Variants in ME3 observed in about 807,000 individuals in gnomAD.
ME3 encodes the protein malic enzyme 3, also known as NADP-dependent malic enzyme, mitochondrial.
ME3 carries 48 observed loss-of-function variants against 68.9 expected under a neutral mutation model. The ratio of observed to expected loss-of-function variants is 0.70; its 90% CI spans 0.55 to 0.89. ME3 has a LOEUF of 0.89. ME3 is among the 40% of genes least tolerant of loss of function. The pLI, the probability that ME3 is intolerant of heterozygous loss-of-function variation, is 0.00. For synonymous variants in ME3, 320 were observed against 318.8 expected (o/e 1.00, Z -0.04); for missense variants, 675 against 797.4 (o/e 0.85, Z 1.85).
intron 2 of ME3, among the ~76,000 whole-genome samples, chr11:86,583,434 T>C (rs1183391804): frequency 2.0e-5 from 3 of 152,222 alleles, no homozygotes; most frequent in African/African-American, 7.2e-5. Context: ...TGCTATTCAT[T>C]CCTCAAAAAT....
intron 3 of ME3, among the ~76,000 whole-genome samples, chr11:86,559,456 G>A (rs575501385): frequency 2.1e-4 from 32 of 152,134 alleles, no homozygotes; most frequent in Non-Finnish European, 3.1e-4. Flanking sequence ...CCACTAGTTG[G>A]AATGCAGTTT....
chr11:86,661,697 G>A (rs1946288209), intron 2 of ME3, among the ~76,000 whole-genome samples: 1 of 152,080 alleles, frequency 6.6e-6, no homozygotes, highest in Non-Finnish European at 1.5e-5. Flanking sequence ...AAGTGTTTCT[G>A]CACCTCTCTT....
intron 11 of ME3, 102 bp from the exon 12 acceptor site, chr11:86,447,309 C>A: frequency 6.9e-7 from 1 of 1,456,206 alleles, no homozygotes; most frequent in Non-Finnish European, 9.3e-7. Context: ...ATGAAAGACT[C>A]GGTCTTGGGC....
intron 2 of ME3, among the ~76,000 whole-genome samples, chr11:86,583,722 GATAA>G (rs765312070): frequency 7.9e-5 from 12 of 152,216 alleles, no homozygotes; most frequent in South Asian, 2.1e-4. Flanking sequence ...AGATATGACA[GATAA>G]ATAAAGAGTT....
At chr11:86,549,000 G>A (rs1274194939) in intron 4 of ME3, among the ~76,000 whole-genome samples, 1 of 152,194 alleles carries the variant, frequency 6.6e-6, no homozygotes, top group East Asian at 1.9e-4. Flanking sequence ...CCTGGACTTC[G>A]TTGATACGTA....
At position 86,663,774 on chromosome 11, in the gene ME3, A is replaced by G. The variant is rs933331112; in HGVS notation, c.183+7988T>C. On this transcript the variant is annotated intron_variant, in intron 2 of 14. Coordinates refer to ENST00000543262, the Ensembl canonical transcript of ME3. Reference sequence around the variant, plus strand: ...AATAAGGCCATAAACCTCAGGGTCCACAAAGGCCAACATAAATTGGAAACA... The same window carrying G: ...AATAAGGCCATAAACCTCAGGGTCCGCAAAGGCCAACATAAATTGGAAACA... Among the ~76,000 whole-genome samples the G allele has an allele frequency of 8.5e-5, 13 of 152,384 alleles. No individual in the cohort carries two copies. The South Asian group carries it at 2.7e-3, about 32-fold the overall frequency.
At chr11:86,464,672 A>G (rs1950390330) in intron 8 of ME3, among the ~76,000 whole-genome samples, 3 of 152,156 alleles carry the variant, frequency 2.0e-5, no homozygotes, top group African/African-American at 7.2e-5. Flanking sequence ...GATGAGTTTT[A>G]TGGGTTAGTA....
chr11:86,470,981 A>G (rs1363945739), intron 7 of ME3, among the ~76,000 whole-genome samples: 1 of 151,982 alleles, frequency 6.6e-6, no homozygotes, highest in East Asian at 1.9e-4. Context: ...ATTGCTGAAC[A>G]CCTACTCAGG....
At position 86,595,904 on chromosome 11, in the gene ME3, C is replaced by T. The variant is rs996806551; in HGVS notation, c.184-36081G>A. Among the ~76,000 whole-genome samples, 17 of 152,186 alleles carry T rather than the reference C, an allele frequency of 1.1e-4. 1 individual carries two copies. Among genetic ancestry groups the T allele is most frequent in the Admixed American group, 2.6e-4 (4 of 15,286 alleles). On this transcript the variant is annotated intron_variant, in intron 2 of 14. Coordinates refer to ENST00000543262, the Ensembl canonical transcript of ME3. ...GGGTGGGCCCCTCACCATACCTTCTCGGCCCCAGACACTCTAATATGGTCC... is the reference window on the plus strand; with the variant it reads ...GGGTGGGCCCCTCACCATACCTTCTTGGCCCCAGACACTCTAATATGGTCC...
chr11:86,566,907 GA>G (rs1231299678), intron 2 of ME3, among the ~76,000 whole-genome samples: 1 of 152,010 alleles, frequency 6.6e-6, no homozygotes, highest in Non-Finnish European at 1.5e-5. Flanking sequence ...GGGGAGTTGT[GA>G]GAAAGGAGTG....
chr11:86,514,775 T>C (rs1318953804), intron 4 of ME3, among the ~76,000 whole-genome samples: 2 of 152,224 alleles, frequency 1.3e-5, no homozygotes, highest in Non-Finnish European at 2.9e-5. Flanking sequence ...TCAATGTATC[T>C]TTAAAAAATA....
chr11:86,448,854 A>C (rs1467349765), intron 10 of ME3, among the ~76,000 whole-genome samples: 1 of 152,106 alleles, frequency 6.6e-6, no homozygotes, highest in Non-Finnish European at 1.5e-5. Context: ...ACTGCTTTGG[A>C]TTAGCTGGCC....
downstream of ME3, chr11:86,436,998 A>G (rs1045935968): frequency 1.3e-5 from 2 of 152,140 alleles, no homozygotes; most frequent in Non-Finnish European, 2.9e-5. Context: ...GTGGTGAAGT[A>G]TGGACTTTTA....
chr11:86,647,083 G>A (rs1364691109), intron 2 of ME3, among the ~76,000 whole-genome samples: 1 of 152,188 alleles, frequency 6.6e-6, no homozygotes, highest in African/African-American at 2.4e-5. Flanking sequence ...ACTGGTACCA[G>A]CCACTGCAAA....
chr11:86,473,820 C>T (rs951668887), intron 7 of ME3, among the ~76,000 whole-genome samples: 5 of 152,120 alleles, frequency 3.3e-5, no homozygotes, highest in Admixed American at 6.5e-5. Flanking sequence ...AGAGGGAATA[C>T]GGAGCCTGAG....
intron 13 of ME3, among the ~76,000 whole-genome samples, chr11:86,445,388 A>C (rs986726652): frequency 2.0e-5 from 3 of 152,256 alleles, no homozygotes; most frequent in African/African-American, 7.2e-5. Flanking sequence ...TGGGACTCAC[A>C]GAAGTGGATC....
chr11:86,667,362 T>C (rs115380478), intron 2 of ME3, among the ~76,000 whole-genome samples: 1,877 of 152,264 alleles, frequency 0.012, 46 homozygotes, highest in African/African-American at 0.042. Context: ...AATAATGCAC[T>C]CCTTCAGTTA....
At chr11:86,522,229 G>A (rs1954370826) in intron 4 of ME3, among the ~76,000 whole-genome samples, 1 of 146,264 alleles carries the variant, frequency 6.8e-6, no homozygotes, top group South Asian at 2.3e-4. Flanking sequence ...CAGCCTGGGT[G>A]ACAGAACAAG....
At chr11:86,541,887 A>C (rs1956070611) in intron 4 of ME3, among the ~76,000 whole-genome samples, 2 of 152,110 alleles carry the variant, frequency 1.3e-5, no homozygotes, top group South Asian at 2.1e-4. Context: ...GTCAACAGAT[A>C]CCTCATACAG....
Sources: allele counts gnomAD v4.1 joint callset (sites outside exome capture counted in the v4.1 genomes callset), GRCh38; gene constraint gnomAD v4.1.1; transcripts MANE v1.5; gene names NCBI Gene and HGNC (gene_info 2026-07-23, HGNC 2026-07-21).